The following IGF2BP2 variants were observed in gnomAD, a reference collection of about 807,000 sequenced individuals.
IGF2BP2 encodes insulin-like growth factor 2 mRNA-binding protein 2.
IGF2BP2 carries 17 observed loss-of-function variants against 75.8 expected under a neutral mutation model. That is an observed-to-expected ratio of 0.22 (90% confidence interval 0.15 to 0.34). IGF2BP2 has a LOEUF of 0.34. Ranked by LOEUF, IGF2BP2 falls within the 10% of genes least tolerant of loss-of-function variation. The pLI is 1.00. For missense variants in IGF2BP2, 516 were observed against 772.4 expected (o/e 0.67, Z 3.93); for synonymous variants, 288 against 295.6 (o/e 0.97, Z 0.26).
intron 13 of IGF2BP2, among the ~76,000 whole-genome samples, chr3:185,650,059 G>A: frequency 6.6e-6 from 1 of 151,464 alleles, no homozygotes. Context: ...TTGGAGTGCA[G>A]TGGCACGATC....
chr3:185,741,076 G>A (rs1729490869), intron 2 of IGF2BP2, among the ~76,000 whole-genome samples: 1 of 152,036 alleles, frequency 6.6e-6, no homozygotes, highest in South Asian at 2.1e-4. Context: ...GGGTTTCACT[G>A]TGTTAGCCAG....
chr3:185,665,830 G>A (rs1230152210), intron 10 of IGF2BP2, among the ~76,000 whole-genome samples: 4 of 152,134 alleles, frequency 2.6e-5, no homozygotes, highest in Non-Finnish European at 5.9e-5. Context: ...AGCCAGGTGT[G>A]GTGGCACATG....
rs1288105016 is a variant in IGF2BP2, at chr3:185,824,995, C to G, written c.-35G>C. On this transcript the variant is annotated 5_prime_UTR_variant, in exon 1 of 16. Transcript: ENST00000382199. ...CCCCGAGAGCCCGCGGCTCCCCCGG[C>G]CCGGTACCCGGCGCTCCTCGCCTCC... 1 of 1,443,550 alleles carries G rather than the reference C, an allele frequency of 6.9e-7. No individual in the cohort carries two copies. The highest frequency in any genetic ancestry group is 2.1e-5 in the Admixed American group (1 of 46,948). The allele number at this position is 1,443,550 out of a possible 1,614,324, so 89.4% of individuals were successfully genotyped here.
intron 2 of IGF2BP2, among the ~76,000 whole-genome samples, chr3:185,788,669 T>C (rs773605654): frequency 4.7e-5 from 7 of 150,204 alleles, no homozygotes; most frequent in Non-Finnish European, 4.4e-5. Flanking sequence ...AGAAATGTAA[T>C]CTCAAGTCTA....
intron 2 of IGF2BP2, among the ~76,000 whole-genome samples, chr3:185,719,533 G>A (rs533825421): frequency 1.4e-4 from 22 of 152,236 alleles, no homozygotes; most frequent in Admixed American, 1.3e-3. Context: ...GTTGACTGGG[G>A]AGTGAATATT....
At chr3:185,694,855 G>A (rs775361051) in intron 4 of IGF2BP2, among the ~76,000 whole-genome samples, 1 of 152,262 alleles carries the variant, frequency 6.6e-6, no homozygotes, top group Non-Finnish European at 1.5e-5. Context: ...GGGAGGCCAA[G>A]GTGGGTGGAT....
At chr3:185,806,242 C>G (rs924502909) in intron 2 of IGF2BP2, among the ~76,000 whole-genome samples, 7 of 152,090 alleles carry the variant, frequency 4.6e-5, no homozygotes, top group African/African-American at 1.7e-4. Context: ...AGATTTTAAA[C>G]TACAGAGAGG....
chr3:185,727,523 G>A (rs1238658315), intron 2 of IGF2BP2, among the ~76,000 whole-genome samples: 1 of 152,186 alleles, frequency 6.6e-6, no homozygotes, highest in African/African-American at 2.4e-5. Context: ...AACACCTCAG[G>A]GGGCCCCAGA....
chr3:185,766,149 C>T (rs1018412143), intron 2 of IGF2BP2, among the ~76,000 whole-genome samples: 6 of 152,016 alleles, frequency 3.9e-5, no homozygotes, highest in Non-Finnish European at 7.4e-5. Context: ...GTGCTATACA[C>T]GGCCACTAAG....
chr3:185,687,775 G>A (rs1721353127), intron 6 of IGF2BP2, among the ~76,000 whole-genome samples: 1 of 152,110 alleles, frequency 6.6e-6, no homozygotes, highest in Admixed American at 6.5e-5. Flanking sequence ...GGGTAGTTGT[G>A]GTCCTACCTG....
rs1713731864 is a variant in IGF2BP2 at position 185,647,223 on chromosome 3, G to A, written c.1594-85C>T. ...TCAGGACGGAGTGAGGGGCCAAGAGGTGGAGCAGGGGAAGGAGGGGGGCTG... is the reference window on the plus strand; with the variant it reads ...TCAGGACGGAGTGAGGGGCCAAGAGATGGAGCAGGGGAAGGAGGGGGGCTG... On this transcript the variant is annotated intron_variant, in intron 14 of 15. Transcript: ENST00000382199. This position sits in a 1 kb window ranked among gnomAD's most constrained non-coding sequence, Gnocchi z 4.9. 2 of 939,208 alleles carry A rather than the reference G, an allele frequency of 2.1e-6. No individual in the cohort carries two copies. The highest frequency in any genetic ancestry group is 1.7e-5 in the Admixed American group (1 of 58,594). The allele number at this position is 939,208 out of a possible 1,614,324, so 58.2% of individuals were successfully genotyped here. A position where few individuals can be genotyped will look rare whatever the true frequency, so the allele number is the denominator to read the frequency against.
chr3:185,824,101 G>C (rs578172042), intron 1 of IGF2BP2, among the ~76,000 whole-genome samples: 2 of 152,140 alleles, frequency 1.3e-5, no homozygotes, highest in East Asian at 3.9e-4. Flanking sequence ...AGGAGCGCTT[G>C]AGAGAGCAAG....
At chr3:185,696,302 C>T in intron 4 of IGF2BP2, 1 of 311,720 alleles carries the variant, frequency 3.2e-6, no homozygotes, top group Middle Eastern at 9.8e-4. Flanking sequence ...AATCCAATTA[C>T]TCCTAAGTGA....
rs918402328 is a variant in IGF2BP2 at position 185,645,767 on chromosome 3, A to T, written c.1708-144T>A. 11 of 624,910 alleles carry T rather than the reference A, an allele frequency of 1.8e-5. No homozygotes were observed. The highest frequency in any genetic ancestry group is 2.6e-5 in the Non-Finnish European group (9 of 342,964). 38.7% of individuals were successfully genotyped at this position (624,910 alleles called of 1,614,324 possible). A position where few individuals can be genotyped will look rare whatever the true frequency, so the allele number is the denominator to read the frequency against. On this transcript the variant is annotated intron_variant, in intron 15 of 15. Transcript: ENST00000382199. The surrounding 1 kb of genome is among the most constrained non-coding windows in gnomAD (Gnocchi z 4.9). ...CATCATCTACCCACCCCCGCACGTT[A>T]CTCCAGGCCCTTTTCTGCCTGGAAG...
chr3:185,679,767 C>T (rs1210550353), intron 7 of IGF2BP2, among the ~76,000 whole-genome samples: 1 of 152,108 alleles, frequency 6.6e-6, no homozygotes, highest in Non-Finnish European at 1.5e-5. Flanking sequence ...CAGGTGTGTG[C>T]CACCACACCC....
At chr3:185,724,152 CCAGA>C (rs1726979714) in intron 2 of IGF2BP2, among the ~76,000 whole-genome samples, 1 of 152,152 alleles carries the variant, frequency 6.6e-6, no homozygotes, top group African/African-American at 2.4e-5. Flanking sequence ...AGAGAGCCTT[CCAGA>C]CAGCACGTGA....
At chr3:185,780,020 T>C (rs1025583123) in intron 2 of IGF2BP2, among the ~76,000 whole-genome samples, 1 of 152,268 alleles carries the variant, frequency 6.6e-6, no homozygotes, top group Non-Finnish European at 1.5e-5. Context: ...AACAAACCAG[T>C]ACAGACAGTA....
rs774488494 is a variant in IGF2BP2, at chr3:185,675,783, T to C, written c.935+8A>G. 6.2e-7 allele frequency: 1 copy of C among 1,611,838 alleles called. No homozygotes were observed. Among genetic ancestry groups the C allele is most frequent in the East Asian group, 2.2e-5 (1 of 44,876 alleles). On this transcript the variant is annotated splice_region_variant and intron_variant, in intron 8 of 15. Transcript: ENST00000382199. ...ATTGGGCATGAGTAATCTGAGTAAG[T>C]GGCTTACGATGAGATTGTTATCTTG...
chr3:185,731,588 C>T (rs1728186898), intron 2 of IGF2BP2, among the ~76,000 whole-genome samples: 1 of 152,126 alleles, frequency 6.6e-6, no homozygotes, highest in Non-Finnish European at 1.5e-5. Flanking sequence ...GGAGCCATGC[C>T]TAGTCACTAT....
Sources: gnomAD v4.1 joint callset for allele counts (sites outside exome capture counted in the v4.1 genomes callset) on GRCh38, gnomAD v4.1.1 for gene constraint, Gnocchi (gnomAD v3.1) non-coding constraint, MANE v1.5 for transcripts, NCBI Gene and HGNC (gene_info 2026-07-23, HGNC 2026-07-21) for gene names.